Variants in ATP8B1 observed in about 807,000 individuals in gnomAD.
ATP8B1 encodes phospholipid-transporting ATPase IC.
ATP8B1 carries 80 observed loss-of-function variants against 149.9 expected under a neutral mutation model. The ratio of observed to expected loss-of-function variants is 0.53; its 90% CI spans 0.45 to 0.64. The LOEUF (loss-of-function observed/expected upper bound fraction) is 0.64, where lower values mean the gene tolerates loss of function less well. Among genes scored for constraint, ATP8B1 ranks in the 30% least tolerant of loss-of-function variants. The pLI, the probability that ATP8B1 is intolerant of heterozygous loss-of-function variation, is 0.00. For synonymous variants in ATP8B1, 536 were observed against 562.8 expected (o/e 0.95, Z 0.67); for missense variants, 1,247 against 1,552.6 (o/e 0.80, Z 3.31).
At chr18:57,667,423 T>C in intron 19 of ATP8B1, 1 of 465,078 alleles carries the variant, frequency 2.2e-6, no homozygotes. Flanking sequence ...AGATGGGGTT[T>C]TGTCATGTTT....
At chr18:57,658,661 GTGTGTGTT>G in intron 22 of ATP8B1, among the ~76,000 whole-genome samples, 1 of 148,396 alleles carries the variant, frequency 6.7e-6, no homozygotes, top group Non-Finnish European at 1.5e-5. Context: ...GTGTGTGTGT[GTGTGTGTT>G]CTTTTTTGTT....
intron 3 of ATP8B1, among the ~76,000 whole-genome samples, chr18:57,706,255 A>T (rs1048738491): frequency 1.3e-5 from 2 of 152,184 alleles, no homozygotes; most frequent in Non-Finnish European, 2.9e-5. Flanking sequence ...CTTAAAATTT[A>T]AAAAAGAGAG....
At chr18:57,672,863 T>G (rs1911286278) in intron 16 of ATP8B1, among the ~76,000 whole-genome samples, 1 of 57,450 alleles carries the variant, frequency 1.7e-5, no homozygotes, top group Non-Finnish European at 3.2e-5. Flanking sequence ...TGAAACTCTG[T>G]CTCAAAAAAA....
At chr18:57,764,187 A>G (rs1385720801) in intron 1 of ATP8B1, among the ~76,000 whole-genome samples, 1 of 152,232 alleles carries the variant, frequency 6.6e-6, no homozygotes, top group African/African-American at 2.4e-5. Context: ...AACGACGGAC[A>G]TGATGTGGCT....
chr18:57,673,593 A>T (rs1911399213), intron 16 of ATP8B1, among the ~76,000 whole-genome samples: 1 of 151,822 alleles, frequency 6.6e-6, no homozygotes, highest in Non-Finnish European at 1.5e-5. Flanking sequence ...AGAAAACAAT[A>T]ACCTGTATGT....
chr18:57,785,762 T>C (rs2080401603), intron 1 of ATP8B1, among the ~76,000 whole-genome samples: 1 of 152,182 alleles, frequency 6.6e-6, no homozygotes, highest in Non-Finnish European at 1.5e-5. Flanking sequence ...TGCCTCAGCC[T>C]CCCAAAGTGT....
chr18:57,658,504 G>T (rs903725697), intron 22 of ATP8B1, among the ~76,000 whole-genome samples: 2 of 152,190 alleles, frequency 1.3e-5, no homozygotes, highest in African/African-American at 4.8e-5. Flanking sequence ...GCAGAAACAT[G>T]GTGGGTCATG....
intron 15 of ATP8B1, among the ~76,000 whole-genome samples, chr18:57,675,983 G>A (rs1911561989): frequency 6.6e-6 from 1 of 152,070 alleles, no homozygotes; most frequent in South Asian, 2.1e-4. Context: ...TCGGATTACA[G>A]GCATGAGCCA....
chr18:57,716,857 A>C (rs1337391044), intron 2 of ATP8B1, among the ~76,000 whole-genome samples: 1 of 152,224 alleles, frequency 6.6e-6, no homozygotes, highest in African/African-American at 2.4e-5. Flanking sequence ...TTCATACAAC[A>C]GCTGTAGAAT....
chr18:57,710,795 C>T (rs898793407), intron 2 of ATP8B1, among the ~76,000 whole-genome samples: 7 of 152,036 alleles, frequency 4.6e-5, no homozygotes, highest in African/African-American at 9.7e-5. Flanking sequence ...CCATCATGCC[C>T]GGCTAATTTT....
rs2079734344 is a variant in ATP8B1 at position 57,728,988 on chromosome 18, G to A, written c.181+2639C>T. Among the ~76,000 whole-genome samples, 3 of 151,992 alleles carry A rather than the reference G, an allele frequency of 2.0e-5. 1 individual carries two copies. In the South Asian group the frequency reaches 6.2e-4, roughly 32 times the overall value. ...AACTTCCTTGGCCTCCCAAAGTGCTGGGATTACAGGCATGAGTCGCCGCAC... is the reference window on the plus strand; with the variant it reads ...AACTTCCTTGGCCTCCCAAAGTGCTAGGATTACAGGCATGAGTCGCCGCAC... On this transcript the variant is annotated intron_variant, in intron 2 of 27. Transcript: ENST00000648908.
chr18:57,769,158 G>C (rs1017811404), intron 1 of ATP8B1, among the ~76,000 whole-genome samples: 1 of 152,176 alleles, frequency 6.6e-6, no homozygotes, highest in Non-Finnish European at 1.5e-5. Flanking sequence ...AGCTCAGAAA[G>C]AAAGCAGAGC....
In ATP8B1 at chr18:57,680,277, C is replaced by CAAAAAAAAAAAAAAAAAA. The variant is rs71171066; in HGVS notation, c.1630+3741_1630+3758dup. ...GGGCAACAGGAGCGAGACTCAGTCTCAAAAAAAAAAAAAAAAAAAAAAAAA... is the reference window on the plus strand; with the variant it reads ...GGGCAACAGGAGCGAGACTCAGTCTCAAAAAAAAAAAAAAAAAAAAAAAAAAAAAAAAAAAAAAAAAAA... On this transcript the variant is annotated intron_variant, in intron 15 of 27. Transcript: ENST00000648908. Among the ~76,000 whole-genome samples, 22 of 40,452 alleles carry CAAAAAAAAAAAAAAAAAA rather than the reference C, an allele frequency of 5.4e-4. 1 individual carries two copies. The highest frequency in any genetic ancestry group is 7.9e-4 in the Non-Finnish European group (19 of 23,974). The allele number at this position is 40,452 out of a possible 152,430, so 26.5% of individuals were successfully genotyped here.
intron 2 of ATP8B1, among the ~76,000 whole-genome samples, chr18:57,711,889 C>G (rs1004187163): frequency 2.0e-5 from 3 of 152,068 alleles, no homozygotes; most frequent in African/African-American, 7.2e-5. Flanking sequence ...CGTGCCCAGA[C>G]CAGCAGTATT....
chr18:57,769,562 T>C (rs1337552966), intron 1 of ATP8B1, among the ~76,000 whole-genome samples: 2 of 152,226 alleles, frequency 1.3e-5, no homozygotes, highest in Admixed American at 1.3e-4. Context: ...AGTAGGCAAC[T>C]GGTTTGAGCC....
chr18:57,750,988 C>T (rs765733230), intron 1 of ATP8B1, among the ~76,000 whole-genome samples: 7 of 151,968 alleles, frequency 4.6e-5, no homozygotes, highest in African/African-American at 9.7e-5. Context: ...GGCGTGGTGG[C>T]GCACACCTGC....
At chr18:57,726,046 G>A (rs2079703635) in intron 2 of ATP8B1, among the ~76,000 whole-genome samples, 1 of 152,112 alleles carries the variant, frequency 6.6e-6, no homozygotes, top group Non-Finnish European at 1.5e-5. Context: ...TGGCCAACAT[G>A]GTGAAACCCT....
rs1300108448 is a variant in ATP8B1 at position 57,662,471 on chromosome 18, A to G, written c.2418+12T>C. ...TTTGAGTTAAAGGCACAGATACACTAATGATACGTACCAACCAAGAACCAG... is the reference window on the plus strand; with the variant it reads ...TTTGAGTTAAAGGCACAGATACACTGATGATACGTACCAACCAAGAACCAG... On this transcript the variant is annotated intron_variant, in intron 21 of 27. Coordinates refer to ENST00000648908, the MANE Select transcript of ATP8B1 (RefSeq NM_001374385.1). 8.1e-6 allele frequency: 13 copies of G among 1,613,936 alleles called. No homozygotes were observed. The highest frequency in any genetic ancestry group is 9.3e-6 in the Non-Finnish European group (11 of 1,179,930).
chr18:57,725,846 A>G (rs2079700641), intron 2 of ATP8B1, among the ~76,000 whole-genome samples: 1 of 152,268 alleles, frequency 6.6e-6, no homozygotes, highest in Non-Finnish European at 1.5e-5. Context: ...GAATGAAAGT[A>G]GACCCCATCT....
Sources: gnomAD v4.1 joint callset for allele counts (sites outside exome capture counted in the v4.1 genomes callset) on GRCh38, gnomAD v4.1.1 for gene constraint, MANE v1.5 for transcripts, NCBI Gene and HGNC (gene_info 2026-07-23, HGNC 2026-07-21) for gene names.